MAST2: variants seen among roughly 807,000 people sequenced by gnomAD.
MAST2 encodes microtubule associated serine/threonine kinase 2, also known as microtubule-associated serine/threonine-protein kinase 2.
In MAST2, 70 loss-of-function variants were observed where a neutral mutation model predicts 147.4. The ratio of observed to expected loss-of-function variants is 0.47; its 90% CI spans 0.39 to 0.58. MAST2 has a LOEUF of 0.58. Ranked by LOEUF, MAST2 falls within the 20% of genes least tolerant of loss-of-function variation. MAST2 has a pLI of 0.00. For synonymous variants in MAST2, 869 were observed against 896.8 expected (o/e 0.97, Z 0.55); for missense variants, 2,080 against 2,302.3 (o/e 0.90, Z 1.98).
Position 46,035,785 on chromosome 1 carries a change from C to G in MAST2, c.5116C>G (p.Gln1706Glu). ...GTCTCCCAGGGAGCAGGGGAAGACA[C>G]AGCCACCTAGTGCCCCCAGACTGGC... is the stretch of plus-strand genomic sequence containing the variant. ...NLSPREQGKTQPPSAPRLAHP... is the reference protein window; with the variant it reads ...NLSPREQGKTEPPSAPRLAHP... The change falls in exon 29 of 29, where the codon CAG becomes GAG. Residue 1706 changes from glutamine (Q) to glutamate (E), a missense_variant. Gln to Glu is a conservative substitution (Grantham distance 29, BLOSUM62 2). This residue lies in a region of MAST2 where 1,278 missense variants were observed against 1,304.2 expected (regional missense o/e 0.98). Transcript: ENST00000361297. The surrounding 1 kb of genome is among the most constrained non-coding windows in gnomAD (Gnocchi z 5.5). The G allele has an allele frequency of 6.2e-7, 1 of 1,614,126 alleles. No individual in the cohort carries two copies.
At chr1:46,012,181 C>T (rs545959539) in intron 10 of MAST2, among the ~76,000 whole-genome samples, 21 of 152,048 alleles carry the variant, frequency 1.4e-4, no homozygotes, top group Non-Finnish European at 3.1e-4. Context: ...AAAGGGGTAC[C>T]CCAGAGACAT....
At chr1:45,922,385 C>T (rs1653653955) in intron 4 of MAST2, among the ~76,000 whole-genome samples, 1 of 152,232 alleles carries the variant, frequency 6.6e-6, no homozygotes, top group African/African-American at 2.4e-5. Flanking sequence ...GGTGACCAGG[C>T]TGTTCATGCT....
At chr1:45,856,295 A>G (rs1271588951) in intron 3 of MAST2, among the ~76,000 whole-genome samples, 1 of 152,216 alleles carries the variant, frequency 6.6e-6, no homozygotes, top group Non-Finnish European at 1.5e-5. Context: ...TCCCGTATCT[A>G]AAAATAATAA....
At position 46,031,422 on chromosome 1, in the gene MAST2, G is replaced by A. The variant is rs750146560; in HGVS notation, c.3024G>A (p.Gln1008=). The change falls in exon 24 of 29, where the codon CAG becomes CAA. Residue 1008 remains glutamine (Q), a synonymous_variant. Transcript: ENST00000361297. The surrounding 1 kb of genome is among the most constrained non-coding windows in gnomAD (Gnocchi z 4.1). ...AMETRGRGTS[Q]LAEGATAKAI... ...AGACCCGAGGCCGTGGGACCTCACA[G>A]CTGGCTGAGGGAGCCACAGCCAAGG... is the stretch of plus-strand genomic sequence containing the variant. The A allele has an allele frequency of 6.2e-7, 1 of 1,613,840 alleles. No homozygotes were observed. The highest frequency in any genetic ancestry group is 8.5e-7 in the Non-Finnish European group (1 of 1,179,844).
chr1:46,027,106 T>C (rs147382629), intron 16 of MAST2, among the ~76,000 whole-genome samples: 2 of 152,202 alleles, frequency 1.3e-5, no homozygotes, highest in African/African-American at 4.8e-5. Context: ...GTAAGACACA[T>C]GGGCAGTTGG....
At chr1:45,959,934 T>G (rs1426185783) in intron 5 of MAST2, among the ~76,000 whole-genome samples, 3 of 152,116 alleles carry the variant, frequency 2.0e-5, no homozygotes, top group Non-Finnish European at 4.4e-5. Flanking sequence ...GAGTATGTGT[T>G]TGTTTGTTTG....
chr1:45,857,352 A>G (rs1199159539), intron 3 of MAST2, among the ~76,000 whole-genome samples: 1 of 152,234 alleles, frequency 6.6e-6, no homozygotes, highest in Non-Finnish European at 1.5e-5. Flanking sequence ...ATGGAATAGC[A>G]GGAAAGTCAT....
At chr1:45,943,531 T>C (rs1217020548) in intron 4 of MAST2, among the ~76,000 whole-genome samples, 1 of 152,184 alleles carries the variant, frequency 6.6e-6, no homozygotes. Flanking sequence ...ACTTATGAAA[T>C]GTTTCAGTAC....
At chr1:46,027,964 GGAGGATCGCTT>G in intron 17 of MAST2, 101 bp downstream of exon 17, 1 of 1,466,346 alleles carries the variant, frequency 6.8e-7, no homozygotes, top group Non-Finnish European at 9.3e-7. Context: ...GGCTGAGGCA[GGAGGATCGCTT>G]GAGGCCAGCC....
chr1:45,820,102 T>G (rs1164301749), intron 1 of MAST2, among the ~76,000 whole-genome samples: 2 of 152,210 alleles, frequency 1.3e-5, no homozygotes, highest in Non-Finnish European at 2.9e-5. Context: ...AAGGACAGTC[T>G]GTACAATAAA....
At chr1:46,016,268 C>T (rs1645936060) in intron 10 of MAST2, among the ~76,000 whole-genome samples, 1 of 143,578 alleles carries the variant, frequency 7.0e-6, no homozygotes, top group Non-Finnish European at 1.5e-5. Context: ...TGAAAACTGC[C>T]ACAAGACAGG....
At chr1:45,839,129 A>ATTTTTTTTTTTTTT (rs370950575) in intron 3 of MAST2, among the ~76,000 whole-genome samples, 8 of 127,606 alleles carry the variant, frequency 6.3e-5, no homozygotes, top group Admixed American at 8.1e-5. Context: ...ACCATCACAA[A>ATTTTTTTTTTTTTT]TTTTTTTTTT....
chr1:45,881,223 G>T (rs1054523608), intron 3 of MAST2, among the ~76,000 whole-genome samples: 1 of 152,064 alleles, frequency 6.6e-6, no homozygotes, highest in Non-Finnish European at 1.5e-5. Flanking sequence ...AAGATGGAAA[G>T]AAAATTAAAT....
chr1:45,999,369 C>T (rs994069809), intron 6 of MAST2, among the ~76,000 whole-genome samples: 2 of 152,132 alleles, frequency 1.3e-5, no homozygotes, highest in Non-Finnish European at 2.9e-5. Flanking sequence ...TTTGTCCAAC[C>T]CAGCTGGAAA....
intron 3 of MAST2, among the ~76,000 whole-genome samples, chr1:45,868,452 A>G (rs1646249021): frequency 6.6e-6 from 1 of 152,196 alleles, no homozygotes; most frequent in African/African-American, 2.4e-5. Context: ...CCAGGTTCTG[A>G]ATTGAAAATA....
At chr1:45,940,435 G>C (rs559035485) in intron 4 of MAST2, among the ~76,000 whole-genome samples, 1 of 151,836 alleles carries the variant, frequency 6.6e-6, no homozygotes, top group Non-Finnish European at 1.5e-5. Context: ...TTTCATTTTT[G>C]GGTTGTTTGT....
At chr1:45,903,475 A>C (rs1650151942) in intron 4 of MAST2, among the ~76,000 whole-genome samples, 1 of 152,038 alleles carries the variant, frequency 6.6e-6, no homozygotes, top group African/African-American at 2.4e-5. Context: ...TGTATTCTAG[A>C]GGTTTTGGTA....
chr1:45,872,315 T>G (rs774508397), intron 3 of MAST2, among the ~76,000 whole-genome samples: 4 of 152,170 alleles, frequency 2.6e-5, no homozygotes, highest in Admixed American at 1.3e-4. Context: ...AGGACCAGCC[T>G]TGTGACTCCT....
chr1:45,841,571 G>A (rs1164412691), intron 3 of MAST2, among the ~76,000 whole-genome samples: 1 of 152,044 alleles, frequency 6.6e-6, no homozygotes, highest in Non-Finnish European at 1.5e-5. Context: ...CTTTTTTGTA[G>A]AGACAGGATT....
Sources: gnomAD v4.1 joint callset for allele counts (sites outside exome capture counted in the v4.1 genomes callset) on GRCh38, gnomAD v4.1.1 for gene constraint, gnomAD v4.1.1 regional missense constraint, Gnocchi (gnomAD v3.1) non-coding constraint, MANE v1.5 for transcripts, NCBI Gene and HGNC (gene_info 2026-07-23, HGNC 2026-07-21) for gene names.